The following CBFA2T2 variants were observed in gnomAD, a reference collection of about 807,000 sequenced individuals.
CBFA2T2 encodes the protein CBFA2/RUNX1 partner transcriptional co-repressor 2, also known as protein CBFA2T2.
A neutral mutation model predicts 62.2 loss-of-function variants in CBFA2T2; 11 were observed. The observed-to-expected ratio is 0.18, with a 90% confidence interval of 0.11 to 0.29. The LOEUF (loss-of-function observed/expected upper bound fraction) is 0.29. CBFA2T2 is among the 10% of genes least tolerant of loss of function. The pLI, the probability that CBFA2T2 is intolerant of heterozygous loss-of-function variation, is 1.00. For missense variants in CBFA2T2, 592 were observed against 774.1 expected, an observed-to-expected ratio of 0.76 and a Z score of 2.79; for synonymous variants, 295 against 287.5, an observed-to-expected ratio of 1.03 and a Z score of -0.27.
At chr20:33,583,333 C>G (rs2014204137) in intron 1 of CBFA2T2, among the ~76,000 whole-genome samples, 1 of 152,152 alleles carries the variant, frequency 6.6e-6, no homozygotes, top group African/African-American at 2.4e-5. Flanking sequence ...TGACCTTTTC[C>G]CAGGGCCAAA....
chr20:33,614,114 C>CAA (rs35963316), intron 3 of CBFA2T2, among the ~76,000 whole-genome samples: 10 of 102,440 alleles, frequency 9.8e-5, no homozygotes, highest in Admixed American at 5.6e-4. Context: ...GACTCCGTCT[C>CAA]AAAAAAAAAA....
At chr20:33,518,619 A>T (rs1035154441) in intron 1 of CBFA2T2, among the ~76,000 whole-genome samples, 2 of 151,730 alleles carry the variant, frequency 1.3e-5, no homozygotes, top group African/African-American at 4.8e-5. Flanking sequence ...AAAAAAAAAA[A>T]AAATTAGCTG....
intron 1 of CBFA2T2, among the ~76,000 whole-genome samples, chr20:33,538,849 T>G (rs75731604): frequency 4.6e-4 from 67 of 145,926 alleles, no homozygotes; most frequent in African/African-American, 1.4e-3. Context: ...TTGTTGTTTG[T>G]TTTTTTTTTT....
intron 1 of CBFA2T2, among the ~76,000 whole-genome samples, chr20:33,561,530 T>A (rs2013091571): frequency 6.6e-6 from 1 of 152,226 alleles, no homozygotes; most frequent in South Asian, 2.1e-4. Flanking sequence ...TTGTCAACCT[T>A]CGATTTTTAT....
chr20:33,623,049 CCCTTT>C, intron 4 of CBFA2T2, 61 bp from the exon 5 acceptor site: 1 of 1,487,560 alleles, frequency 6.7e-7, no homozygotes, highest in Non-Finnish European at 9.3e-7. Flanking sequence ...TTTGTGAAAG[CCCTTT>C]GAGGTGCTGA....
intron 1 of CBFA2T2, among the ~76,000 whole-genome samples, chr20:33,537,044 T>C (rs1000462543): frequency 6.7e-6 from 1 of 150,170 alleles, no homozygotes; most frequent in Non-Finnish European, 1.5e-5. Context: ...TCCCAGACGA[T>C]GGGCGGCCAG....
intron 1 of CBFA2T2, among the ~76,000 whole-genome samples, chr20:33,585,088 C>T (rs1223169770): frequency 6.6e-6 from 1 of 151,908 alleles, no homozygotes; most frequent in Non-Finnish European, 1.5e-5. Flanking sequence ...TCCTGTTGTT[C>T]CCTCAACCCA....
At chr20:33,627,276 A>T (rs2016269587) in intron 6 of CBFA2T2, among the ~76,000 whole-genome samples, 1 of 152,088 alleles carries the variant, frequency 6.6e-6, no homozygotes, top group African/African-American at 2.4e-5. Flanking sequence ...AGGCACCTGT[A>T]GTCCCAGCTA....
In CBFA2T2 at chr20:33,644,612, C is replaced by G. The variant is rs1323614947; in HGVS notation, c.1754C>G (p.Ala585Gly). Reference sequence around the variant, plus strand: ...ACCACATCGCGTTCCTCAACACCTGCTTCTGTGACAGCTATCGACACCAAC... The same window carrying G: ...ACCACATCGCGTTCCTCAACACCTGGTTCTGTGACAGCTATCGACACCAAC... ...SATTSRSSTP[A>G]SVTAIDTNGL Residue 585 changes from alanine (A) to glycine (G), a missense_variant, in exon 11 of 11, where the codon GCT becomes GGT. Ala to Gly is a moderately conservative substitution (Grantham distance 60, BLOSUM62 0). This residue lies in a region of CBFA2T2 where 85 missense variants were observed against 99.0 expected (regional missense o/e 0.86). Transcript: ENST00000342704. The G allele has an allele frequency of 2.5e-6, 4 of 1,610,292 alleles. No individual in the cohort carries two copies. Among genetic ancestry groups the G allele is most frequent in the African/African-American group, 1.3e-5 (1 of 75,010 alleles).
intron 1 of CBFA2T2, among the ~76,000 whole-genome samples, chr20:33,527,428 A>G (rs995797451): frequency 2.5e-4 from 35 of 140,224 alleles, no homozygotes; most frequent in African/African-American, 7.3e-4. Context: ...GTTGGAGTGC[A>G]GTGGCGTGAT....
intron 1 of CBFA2T2, among the ~76,000 whole-genome samples, chr20:33,515,565 G>A (rs779694907): frequency 1.3e-5 from 2 of 151,288 alleles, no homozygotes; most frequent in African/African-American, 2.4e-5. Flanking sequence ...GTCATCCAGC[G>A]AGGCTGAGGT....
At chr20:33,588,480 G>A (rs1284591675) in intron 1 of CBFA2T2, among the ~76,000 whole-genome samples, 3 of 151,804 alleles carry the variant, frequency 2.0e-5, no homozygotes, top group East Asian at 1.9e-4. Flanking sequence ...CATTCAGCTC[G>A]TGATATGTAT....
At chr20:33,629,636 C>A in intron 7 of CBFA2T2, 83 bp from the exon 8 acceptor site, 2 of 1,240,518 alleles carry the variant, frequency 1.6e-6, no homozygotes, top group South Asian at 1.5e-5. Context: ...ACCTGAATTC[C>A]TCATATTGCG....
At chr20:33,510,810 C>A (rs531054722) in intron 1 of CBFA2T2, among the ~76,000 whole-genome samples, 2 of 152,084 alleles carry the variant, frequency 1.3e-5, no homozygotes, top group Non-Finnish European at 2.9e-5. Flanking sequence ...GTTTACTGAC[C>A]TTTTAATGAT....
chr20:33,494,861 G>T (rs1457229090), intron 1 of CBFA2T2, among the ~76,000 whole-genome samples: 1 of 151,982 alleles, frequency 6.6e-6, no homozygotes, highest in Non-Finnish European at 1.5e-5. Flanking sequence ...GCCTCCCAAA[G>T]TGTTGGGATT....
intron 3 of CBFA2T2, among the ~76,000 whole-genome samples, chr20:33,613,718 A>G (rs2015607218): frequency 6.6e-6 from 1 of 152,154 alleles, no homozygotes; most frequent in Non-Finnish European, 1.5e-5. Flanking sequence ...GTTAGGGAGA[A>G]GTTTAGTTCT....
chr20:33,552,234 A>G (rs1037855792), intron 1 of CBFA2T2, among the ~76,000 whole-genome samples: 3 of 152,182 alleles, frequency 2.0e-5, no homozygotes, highest in African/African-American at 7.2e-5. Context: ...TTGTTTGTGG[A>G]GAGCATTTTC....
At position 33,611,406 on chromosome 20, in the gene CBFA2T2, A is replaced by G. The variant is rs140042285; in HGVS notation, c.420+71A>G. ...TCAGGTCCAAAGCGAGCAAAGTTCT[A>G]GATATTTCTGCTCATTTTCAAACCC... On this transcript the variant is annotated intron_variant, in intron 3 of 10. Coordinates refer to ENST00000342704, the MANE Select transcript of CBFA2T2 (RefSeq NM_001032999.3). 1.0e-5 allele frequency: 16 copies of G among 1,567,460 alleles called. No individual in the cohort carries two copies. In the East Asian group the frequency reaches 2.7e-4, roughly 27 times the overall value.
chr20:33,547,687 ATGTGTGTGTGTGTGTGTG>A (rs60988030), intron 1 of CBFA2T2, among the ~76,000 whole-genome samples: 3 of 139,072 alleles, frequency 2.2e-5, no homozygotes, highest in East Asian at 2.1e-4. Flanking sequence ...TCTCAAAAAA[ATGTGTGTGTGTGTGTGTG>A]TGTGTGTGTG....
Sources: gnomAD v4.1 joint callset for allele counts (sites outside exome capture counted in the v4.1 genomes callset) on GRCh38, gnomAD v4.1.1 for gene constraint, gnomAD v4.1.1 regional missense constraint, MANE v1.5 for transcripts, NCBI Gene and HGNC (gene_info 2026-07-23, HGNC 2026-07-21) for gene names.